The following MACROD2 variants were observed in gnomAD, a reference collection of about 807,000 sequenced individuals.
The protein encoded by MACROD2 is ADP-ribose glycohydrolase MACROD2.
In MACROD2, 36 loss-of-function variants were observed where a neutral mutation model predicts 70.4. That is an observed-to-expected ratio of 0.51 (90% CI 0.39 to 0.68). The LOEUF (loss-of-function observed/expected upper bound fraction) is 0.68, where lower values mean the gene tolerates loss of function less well. Ranked by LOEUF, MACROD2 falls within the 30% of genes least tolerant of loss-of-function variation. The pLI, the probability that MACROD2 is intolerant of heterozygous loss-of-function variation, is 0.00. For missense variants in MACROD2, 496 were observed against 538.4 expected (o/e 0.92, Z 0.78); for synonymous variants, 172 against 178.8 (o/e 0.96, Z 0.30).
intron 5 of MACROD2, among the ~76,000 whole-genome samples, chr20:14,731,009 A>ACACAC (rs1555822607): frequency 0.016 from 1,668 of 106,784 alleles, 22 homozygotes; most frequent in South Asian, 0.027. Context: ...ACACACACAC[A>ACACAC]TGCACACACA....
intron 11 of MACROD2, 90 bp downstream of exon 11, chr20:15,933,428 T>G: frequency 1.6e-6 from 2 of 1,233,382 alleles, no homozygotes; most frequent in South Asian, 2.7e-5. Flanking sequence ...TGAAAATGCT[T>G]ATACATTTCA....
intron 5 of MACROD2, among the ~76,000 whole-genome samples, chr20:15,147,018 G>A (rs1228873000): frequency 6.6e-6 from 1 of 152,030 alleles, no homozygotes; most frequent in Non-Finnish European, 1.5e-5. Context: ...CCTAATTTTT[G>A]AGAACAGGAT....
chr20:15,286,242 A>G (rs1338028340), intron 6 of MACROD2, among the ~76,000 whole-genome samples: 1 of 152,176 alleles, frequency 6.6e-6, no homozygotes, highest in African/African-American at 2.4e-5. Flanking sequence ...AAAATCAGTG[A>G]GTAATGTGTT....
intron 6 of MACROD2, among the ~76,000 whole-genome samples, chr20:15,333,998 T>C (rs1004462446): frequency 2.0e-5 from 3 of 151,632 alleles, no homozygotes; most frequent in Middle Eastern, 3.2e-3. Context: ...ACAAATAAAA[T>C]GCTCTGTTAT....
intron 5 of MACROD2, among the ~76,000 whole-genome samples, chr20:14,709,321 C>A (rs1415940978): frequency 1.3e-5 from 2 of 151,596 alleles, no homozygotes; most frequent in Non-Finnish European, 2.9e-5. Context: ...GTAAAAGACA[C>A]CTAGAGGGGC....
intron 15 of MACROD2, among the ~76,000 whole-genome samples, chr20:16,034,053 C>A (rs1240777829): frequency 1.3e-5 from 2 of 152,008 alleles, no homozygotes; most frequent in Non-Finnish European, 2.9e-5. Flanking sequence ...CAAGTGTTTA[C>A]CCCTTGCACC....
At chr20:15,884,493 T>A (rs1454275072) in intron 9 of MACROD2, among the ~76,000 whole-genome samples, 1 of 152,052 alleles carries the variant, frequency 6.6e-6, no homozygotes, top group Non-Finnish European at 1.5e-5. Context: ...TCTAGACTTT[T>A]CTCATTAGGC....
intron 13 of MACROD2, among the ~76,000 whole-genome samples, chr20:15,980,014 A>G (rs898765036): frequency 1.6e-4 from 25 of 152,172 alleles, no homozygotes; most frequent in African/African-American, 5.3e-4. Context: ...AGGGCTCACA[A>G]CACTAAAGAT....
intron 15 of MACROD2, among the ~76,000 whole-genome samples, chr20:16,021,623 G>C (rs1003138216): frequency 2.6e-5 from 4 of 152,122 alleles, no homozygotes; most frequent in Admixed American, 6.5e-5. Context: ...TTCATAATTG[G>C]TTATTATGAG....
At chr20:14,449,859 T>C (rs898135441) in intron 3 of MACROD2, among the ~76,000 whole-genome samples, 2 of 152,102 alleles carry the variant, frequency 1.3e-5, no homozygotes, top group Non-Finnish European at 2.9e-5. Context: ...TTAGCAACAC[T>C]GTGACATCTG....
At chr20:14,739,145 A>G (rs925310941) in intron 5 of MACROD2, among the ~76,000 whole-genome samples, 1 of 152,054 alleles carries the variant, frequency 6.6e-6, no homozygotes, top group Admixed American at 6.6e-5. Context: ...ATAATTTAGC[A>G]ATGTGAATCA....
At chr20:15,765,881 A>T (rs2051515591) in intron 8 of MACROD2, among the ~76,000 whole-genome samples, 1 of 150,560 alleles carries the variant, frequency 6.6e-6, no homozygotes, top group Non-Finnish European at 1.5e-5. Flanking sequence ...CTTTCAAGAA[A>T]AGCAGATATA....
chr20:15,391,336 C>T (rs1013024768), intron 6 of MACROD2, among the ~76,000 whole-genome samples: 3 of 152,208 alleles, frequency 2.0e-5, no homozygotes, highest in South Asian at 2.1e-4. Context: ...TGTAAGAAAT[C>T]ATCCTGGAGA....
At chr20:15,693,969 G>A (rs2146882685) in intron 8 of MACROD2, among the ~76,000 whole-genome samples, 1 of 151,714 alleles carries the variant, frequency 6.6e-6, no homozygotes, top group Admixed American at 6.6e-5. Context: ...TACAATGTTT[G>A]GTTTTCCATT....
intron 12 of MACROD2, among the ~76,000 whole-genome samples, chr20:15,948,382 C>CAAAAAAAAAAAAAAAAAAAAA (rs71192307): frequency 9.3e-4 from 40 of 43,160 alleles, no homozygotes; most frequent in Non-Finnish European, 1.2e-3. Flanking sequence ...CTTGCAACTG[C>CAAAAAAAAAAAAAAAAAAAAA]AAAAAAAAAA....
intron 3 of MACROD2, chr20:14,127,655 C>A (rs2054669069): frequency 4.9e-6 from 2 of 411,056 alleles, no homozygotes; most frequent in Non-Finnish European, 9.2e-6. Context: ...GAAGCAAATA[C>A]CATTTCCATC....
At chr20:15,039,382 C>T (rs1348852552) in intron 5 of MACROD2, among the ~76,000 whole-genome samples, 1 of 152,032 alleles carries the variant, frequency 6.6e-6, no homozygotes, top group African/African-American at 2.4e-5. Context: ...GTAACCTTTT[C>T]TAGGTTTTAT....
intron 6 of MACROD2, among the ~76,000 whole-genome samples, chr20:15,259,199 A>G (rs911532391): frequency 3.3e-5 from 5 of 152,024 alleles, no homozygotes; most frequent in African/African-American, 1.2e-4. Flanking sequence ...AACAACAACA[A>G]CAAAATTTAG....
At chr20:14,099,246 C>T (rs2054268002) in intron 3 of MACROD2, among the ~76,000 whole-genome samples, 1 of 151,958 alleles carries the variant, frequency 6.6e-6, no homozygotes, top group South Asian at 2.1e-4. Context: ...CCACTGCACT[C>T]CAGCCTGGGT....
Sources: gnomAD v4.1 joint callset for allele counts (sites outside exome capture counted in the v4.1 genomes callset) on GRCh38, gnomAD v4.1.1 for gene constraint, MANE v1.5 for transcripts, NCBI Gene and HGNC (gene_info 2026-07-23, HGNC 2026-07-21) for gene names.